GPR39: variants seen among roughly 807,000 people sequenced by gnomAD.
GPR39 encodes zinc sensing receptor.
GPR39 carries 23 observed loss-of-function variants against 18.4 expected under a neutral mutation model. The observed-to-expected ratio is 1.25, with a 90% CI of 0.90 to 1.77. The LOEUF (loss-of-function observed/expected upper bound fraction) is 1.77. Ranked by LOEUF, GPR39 falls within the 40% of genes most tolerant of loss-of-function variation. GPR39 has a pLI of 0.00. For synonymous variants in GPR39, 280 were observed against 257.9 expected (o/e 1.09, Z -0.82); for missense variants, 647 against 602.4 (o/e 1.07, Z -0.78).
chr2:132,493,011 CT>C, intron 1 of GPR39, among the ~76,000 whole-genome samples: 1 of 138,136 alleles, frequency 7.2e-6, no homozygotes, highest in African/African-American at 2.8e-5. Context: ...CATATATACA[CT>C]ATATATACTA....
intron 1 of GPR39, among the ~76,000 whole-genome samples, chr2:132,517,891 G>C (rs975586859): frequency 6.6e-6 from 1 of 152,180 alleles, no homozygotes; most frequent in Non-Finnish European, 1.5e-5. Context: ...GTGAAGCTTA[G>C]ATAAAGAAAG....
chr2:132,493,970 T>A (rs1681587115), intron 1 of GPR39, among the ~76,000 whole-genome samples: 2 of 152,114 alleles, frequency 1.3e-5, no homozygotes, highest in South Asian at 4.2e-4. Context: ...AACTAAAGAC[T>A]GAAAGTATTT....
rs186179369 is a variant in GPR39 at position 132,485,455 on chromosome 2, A to G, written c.856+67557A>G. On this transcript the variant is annotated intron_variant, in intron 1 of 1. Coordinates refer to ENST00000329321, the MANE Select transcript of GPR39 (RefSeq NM_001508.3). ...AAAAGATTTCTCTATAGCAAGCAAT[A>G]CTGTTTTATAGCATTTTATCCAGAT... Among the ~76,000 whole-genome samples the G allele has an allele frequency of 1.9e-4, 29 of 152,324 alleles. No individual in the cohort carries two copies. In the East Asian group the frequency reaches 4.0e-3, roughly 21 times the overall value.
chr2:132,628,078 A>G (rs1291214774), intron 1 of GPR39, among the ~76,000 whole-genome samples: 2 of 152,048 alleles, frequency 1.3e-5, no homozygotes, highest in Admixed American at 6.6e-5. Flanking sequence ...TCTTTTCTCC[A>G]TCTCAGATGC....
intron 1 of GPR39, among the ~76,000 whole-genome samples, chr2:132,617,226 CTT>C (rs112636690): frequency 7.0e-6 from 1 of 143,746 alleles, no homozygotes; most frequent in African/African-American, 2.5e-5. Flanking sequence ...AATATTTGCA[CTT>C]TTTTTTTTTT....
chr2:132,446,144 A>C (rs763820474), intron 1 of GPR39, among the ~76,000 whole-genome samples: 4 of 152,232 alleles, frequency 2.6e-5, no homozygotes, highest in Non-Finnish European at 5.9e-5. Flanking sequence ...CTTAATTGGC[A>C]TAGAGATCTC....
chr2:132,474,030 T>C (rs1264710494), intron 1 of GPR39, among the ~76,000 whole-genome samples: 1 of 152,172 alleles, frequency 6.6e-6, no homozygotes, highest in Non-Finnish European at 1.5e-5. Context: ...CAGGCACATG[T>C]GACTCAGGCT....
At chr2:132,481,720 A>G (rs1681238723) in intron 1 of GPR39, among the ~76,000 whole-genome samples, 2 of 152,322 alleles carry the variant, frequency 1.3e-5, no homozygotes, top group South Asian at 4.1e-4. Context: ...AGATTTTTAT[A>G]GAACAATATG....
chr2:132,520,980 T>A (rs985944014), intron 1 of GPR39, among the ~76,000 whole-genome samples: 2 of 152,146 alleles, frequency 1.3e-5, no homozygotes, highest in Non-Finnish European at 2.9e-5. Flanking sequence ...AAAAACAAGA[T>A]TGGGGGTTAT....
chr2:132,568,603 G>C (rs1184538266), intron 1 of GPR39, among the ~76,000 whole-genome samples: 2 of 152,024 alleles, frequency 1.3e-5, no homozygotes, highest in African/African-American at 2.4e-5. Context: ...CTACCCAGGA[G>C]CCTGAGGCAG....
chr2:132,469,623 A>G (rs1232549171), intron 1 of GPR39, among the ~76,000 whole-genome samples: 1 of 152,198 alleles, frequency 6.6e-6, no homozygotes, highest in Non-Finnish European at 1.5e-5. Context: ...AGGTAGTCGT[A>G]TAACTAATGG....
At chr2:132,426,856 T>C (rs931476964) in intron 1 of GPR39, among the ~76,000 whole-genome samples, 3 of 151,978 alleles carry the variant, frequency 2.0e-5, no homozygotes, top group Non-Finnish European at 2.9e-5. Context: ...AAAGTTGCCA[T>C]TGTACTTGTT....
chr2:132,635,934 G>A (rs1252069213), intron 1 of GPR39, among the ~76,000 whole-genome samples: 22 of 152,272 alleles, frequency 1.4e-4, no homozygotes, highest in Admixed American at 1.4e-3. Context: ...GCCAGGAAGC[G>A]AGCCCTCACC....
chr2:132,464,467 T>C (rs1001287766), intron 1 of GPR39, among the ~76,000 whole-genome samples: 1 of 152,188 alleles, frequency 6.6e-6, no homozygotes, highest in Admixed American at 6.5e-5. Context: ...TTCTGATCAC[T>C]CATTTCTAGC....
rs967279781 is a variant in GPR39, at chr2:132,471,964, T to C, written c.856+54066T>C. On this transcript the variant is annotated intron_variant, in intron 1 of 1. Transcript: ENST00000329321. ...AGGGATAGACCAATGTTCTTTCCCA[T>C]GTGGAAGGGGCTCAATATAATCCAC... Among the ~76,000 whole-genome samples, 7 of 152,310 alleles carry C rather than the reference T, an allele frequency of 4.6e-5. No individual in the cohort carries two copies. The East Asian group carries it at 1.4e-3, about 29-fold the overall frequency.
chr2:132,543,623 G>A (rs1264137888), intron 1 of GPR39, among the ~76,000 whole-genome samples: 1 of 152,156 alleles, frequency 6.6e-6, no homozygotes, highest in East Asian at 1.9e-4. Context: ...TTGTTTAAGT[G>A]CGTGTTATCT....
At chr2:132,491,080 C>G (rs1195610593) in intron 1 of GPR39, among the ~76,000 whole-genome samples, 1 of 152,146 alleles carries the variant, frequency 6.6e-6, no homozygotes, top group African/African-American at 2.4e-5. Flanking sequence ...TTTTTTCTCA[C>G]TGAACTGAGC....
chr2:132,484,146 T>C (rs983620473), intron 1 of GPR39, among the ~76,000 whole-genome samples: 2 of 152,202 alleles, frequency 1.3e-5, no homozygotes, highest in African/African-American at 4.8e-5. Context: ...CCTTCACTCA[T>C]GATCACTGAT....
At chr2:132,460,813 C>G (rs919715030) in intron 1 of GPR39, among the ~76,000 whole-genome samples, 7 of 152,108 alleles carry the variant, frequency 4.6e-5, no homozygotes, top group African/African-American at 1.7e-4. Context: ...ATGGTAACCC[C>G]AGATGGGAAA....
Sources: gnomAD v4.1 joint callset for allele counts (sites outside exome capture counted in the v4.1 genomes callset) on GRCh38, gnomAD v4.1.1 for gene constraint, MANE v1.5 for transcripts, NCBI Gene and HGNC (gene_info 2026-07-23, HGNC 2026-07-21) for gene names.